TFAP2D: variants seen among roughly 807,000 people sequenced by gnomAD.
TFAP2D encodes the protein transcription factor AP-2 delta.
In TFAP2D, 9 loss-of-function variants were observed where a neutral mutation model predicts 43.6. That is an observed-to-expected ratio of 0.21 (90% confidence interval 0.12 to 0.36). The LOEUF (loss-of-function observed/expected upper bound fraction) is 0.36, where lower values mean the gene tolerates loss of function less well. Among genes scored for constraint, TFAP2D ranks in the 10% least tolerant of loss-of-function variants. The pLI is 1.00. For synonymous variants in TFAP2D, 256 were observed against 224.9 expected (o/e 1.14, Z -1.24); for missense variants, 513 against 561.4 (o/e 0.91, Z 0.87).
intron 6 of TFAP2D, among the ~76,000 whole-genome samples, chr6:50,749,936 CT>C (rs1267186360): frequency 6.6e-6 from 1 of 151,796 alleles, no homozygotes; most frequent in African/African-American, 2.4e-5. Flanking sequence ...TTACTTTCAC[CT>C]GTGTTCTGCA....
Position 50,713,919 on chromosome 6 carries a change from T to C in TFAP2D, c.-137T>C. On this transcript the variant is annotated 5_prime_UTR_variant, in exon 1 of 8. Coordinates refer to ENST00000008391, the MANE Select transcript of TFAP2D (RefSeq NM_172238.4). ...GAGCTATCTGATCCGGGCAAAACCATTACAATTTAGATATCTACCTATAGA... is the reference window on the plus strand; with the variant it reads ...GAGCTATCTGATCCGGGCAAAACCACTACAATTTAGATATCTACCTATAGA... The C allele has an allele frequency of 7.4e-7, 1 of 1,347,346 alleles. No individual in the cohort carries two copies. Among genetic ancestry groups the C allele is most frequent in the East Asian group, 2.3e-5 (1 of 43,038 alleles). 83.5% of individuals were successfully genotyped at this position (1,347,346 alleles called of 1,614,324 possible).
intron 2 of TFAP2D, among the ~76,000 whole-genome samples, chr6:50,717,732 T>C (rs1768650829): frequency 1.3e-5 from 2 of 152,220 alleles, no homozygotes; most frequent in Admixed American, 6.5e-5. Context: ...TGTAGCAAGT[T>C]TGTAAATCTG....
At position 50,714,987 on chromosome 6, in the gene TFAP2D, C is replaced by A. The variant is rs543592173; in HGVS notation, c.40-129C>A. ...CGCTGAGACCCGGCTTCGGCTCGGC[C>A]CGAGTCCTACGCGCTCGCTTTCCTT... is the stretch of plus-strand genomic sequence containing the variant. On this transcript the variant is annotated intron_variant, in intron 1 of 7. Coordinates refer to ENST00000008391, the MANE Select transcript of TFAP2D (RefSeq NM_172238.4). 7.0e-6 allele frequency: 9 copies of A among 1,284,806 alleles called. No individual in the cohort carries two copies. In the Admixed American group the frequency reaches 1.7e-4, roughly 24 times the overall value. 79.6% of individuals were successfully genotyped at this position (1,284,806 alleles called of 1,614,324 possible).
intron 1 of TFAP2D, 143 bp downstream of exon 1, chr6:50,714,237 CG>C (rs1372477030): frequency 4.0e-6 from 4 of 989,808 alleles, no homozygotes; most frequent in Non-Finnish European, 5.8e-6. Flanking sequence ...ATCTGTCTTT[CG>C]GGGGAAGTTA....
At position 50,717,910 on chromosome 6, in the gene TFAP2D, A is replaced by C. The variant is rs544722621; in HGVS notation, c.538-1180A>C. On this transcript the variant is annotated intron_variant, in intron 2 of 7. Coordinates refer to ENST00000008391, the MANE Select transcript of TFAP2D (RefSeq NM_172238.4). ...ATTCATCAGCATATGCCTCATTTCA[A>C]ATGCAACAAATGTAAATATACTTTT... 9 of 152,334 alleles carry C rather than the reference A, an allele frequency of 5.9e-5. No individual in the cohort carries two copies. In the East Asian group the frequency reaches 1.7e-3, roughly 29 times the overall value. The allele number at this position is 152,334 out of a possible 1,614,324, so 9.4% of individuals were successfully genotyped here. A position where few individuals can be genotyped will look rare whatever the true frequency, so the allele number is the denominator to read the frequency against.
chr6:50,769,034 G>A (rs1340237620), intron 7 of TFAP2D, among the ~76,000 whole-genome samples: 2 of 151,412 alleles, frequency 1.3e-5, no homozygotes, highest in Non-Finnish European at 2.9e-5. Flanking sequence ...TGGGATTACA[G>A]GCATGCACCA....
chr6:50,722,713 C>T (rs1406361690), intron 3 of TFAP2D, among the ~76,000 whole-genome samples: 5 of 151,180 alleles, frequency 3.3e-5, no homozygotes, highest in Admixed American at 2.0e-4. Flanking sequence ...CTGTGGACCT[C>T]AGAAGTGGGC....
Position 50,715,666 on chromosome 6 carries a change from C to G in TFAP2D, c.537+53C>G, listed in dbSNP as rs141494854. 327 of 1,530,366 alleles carry G rather than the reference C, an allele frequency of 2.1e-4. 3 individuals are homozygous for G. The African/African-American group carries it at 4.3e-3, about 20-fold the overall frequency. The allele number at this position is 1,530,366 out of a possible 1,614,324, so 94.8% of individuals were successfully genotyped here. Reference sequence around the variant, plus strand: ...GCTCCCTCCCCTCTTCGCCCTCCCCCTGCCGCCCCATTAATGCTCCGACTG... The same window carrying G: ...GCTCCCTCCCCTCTTCGCCCTCCCCGTGCCGCCCCATTAATGCTCCGACTG... On this transcript the variant is annotated intron_variant, in intron 2 of 7. Transcript: ENST00000008391.
At chr6:50,754,448 C>T (rs1490962055) in intron 7 of TFAP2D, among the ~76,000 whole-genome samples, 1 of 151,786 alleles carries the variant, frequency 6.6e-6, no homozygotes, top group Non-Finnish European at 1.5e-5. Context: ...ACTATCATGA[C>T]TAGTGCTGCT....
intron 7 of TFAP2D, among the ~76,000 whole-genome samples, chr6:50,759,978 C>T (rs1012486381): frequency 6.6e-6 from 1 of 151,976 alleles, no homozygotes; most frequent in Non-Finnish European, 1.5e-5. Flanking sequence ...CTAGTCAGTC[C>T]TATGAGATGC....
At chr6:50,748,147 G>C (rs1012688920) in intron 6 of TFAP2D, among the ~76,000 whole-genome samples, 1 of 151,812 alleles carries the variant, frequency 6.6e-6, no homozygotes, top group African/African-American at 2.4e-5. Context: ...GCAAACATAC[G>C]TAATATAACC....
intron 7 of TFAP2D, among the ~76,000 whole-genome samples, chr6:50,758,622 T>G (rs1418956038): frequency 6.6e-6 from 1 of 152,052 alleles, no homozygotes; most frequent in African/African-American, 2.4e-5. Context: ...GAAGAGCAGA[T>G]ATTTGTCTCT....
At chr6:50,739,927 T>C (rs2114046290) in intron 5 of TFAP2D, among the ~76,000 whole-genome samples, 1 of 152,314 alleles carries the variant, frequency 6.6e-6, no homozygotes, top group African/African-American at 2.4e-5. Flanking sequence ...TACTATATTA[T>C]AAGGCACCTC....
chr6:50,755,692 A>T (rs1769254996), intron 7 of TFAP2D, among the ~76,000 whole-genome samples: 1 of 152,004 alleles, frequency 6.6e-6, no homozygotes, highest in African/African-American at 2.4e-5. Context: ...CTAATATATT[A>T]AAAACATTCT....
At position 50,745,384 on chromosome 6, in the gene TFAP2D, T is replaced by C. The variant is rs887561043; in HGVS notation, c.1025+136T>C. 26 of 1,277,148 alleles carry C rather than the reference T, an allele frequency of 2.0e-5. 1 individual carries two copies. In the African/African-American group the frequency reaches 3.4e-4, roughly 17 times the overall value. The allele number at this position is 1,277,148 out of a possible 1,614,324, so 79.1% of individuals were successfully genotyped here. On this transcript the variant is annotated intron_variant, in intron 6 of 7. Transcript: ENST00000008391. ...GGTCTCACACACAAGCAGCTAGATA[T>C]ATTAAACAAGGACTTTCTACCCTTT...
At chr6:50,719,590 A>G (rs1159505912) in intron 3 of TFAP2D, among the ~76,000 whole-genome samples, 2 of 152,230 alleles carry the variant, frequency 1.3e-5, no homozygotes, top group African/African-American at 2.4e-5. Flanking sequence ...TGCTAGCCAC[A>G]GCCTGGGTGT....
At chr6:50,755,379 C>G (rs898314715) in intron 7 of TFAP2D, among the ~76,000 whole-genome samples, 15 of 147,110 alleles carry the variant, frequency 1.0e-4, no homozygotes, top group African/African-American at 3.8e-4. Flanking sequence ...CTGCTCTTTA[C>G]AAGTATATTT....
At chr6:50,754,396 C>T (rs1020076163) in intron 7 of TFAP2D, among the ~76,000 whole-genome samples, 13 of 151,514 alleles carry the variant, frequency 8.6e-5, no homozygotes, top group African/African-American at 2.2e-4. Context: ...CACATTTTAT[C>T]GATTCATTCA....
At chr6:50,720,486 AACACACAC>A (rs59484837) in intron 3 of TFAP2D, among the ~76,000 whole-genome samples, 4,443 of 139,108 alleles carry the variant, frequency 0.032, 105 homozygotes, top group African/African-American at 0.064. Context: ...TGGAGATTAA[AACACACAC>A]ACACACACAC....
Sources: allele counts gnomAD v4.1 joint callset (sites outside exome capture counted in the v4.1 genomes callset), GRCh38; gene constraint gnomAD v4.1.1; transcripts MANE v1.5; gene names NCBI Gene and HGNC (gene_info 2026-07-23, HGNC 2026-07-21).